BEND2: variants seen among roughly 807,000 people sequenced by gnomAD.
BEND2 encodes the protein BEN domain-containing protein 2.
Under a neutral mutation model 43.8 loss-of-function variants are expected in BEND2, and 19 were observed. The observed-to-expected ratio is 0.43, with a 90% CI of 0.30 to 0.64. BEND2 has a LOEUF of 0.64. BEND2 is among the 30% of genes least tolerant of loss of function. The probability of loss-of-function intolerance (pLI) is 0.11; values close to 1 mark genes in which losing one functional copy is unlikely to be tolerated. For missense variants in BEND2, 544 were observed against 574.0 expected, an observed-to-expected ratio of 0.95 and a Z score of 0.53; for synonymous variants, 226 against 210.1, an observed-to-expected ratio of 1.08 and a Z score of -0.66.
intron 6 of BEND2, 113 bp from the exon 7 acceptor site, chrX:18,195,555 C>A: frequency 1.4e-6 from 1 of 735,843 alleles, no homozygotes. Context: ...AAAAATCTGT[C>A]CCTAGCCGAC....
intron 1 of BEND2, among the ~76,000 whole-genome samples, chrX:18,218,307 A>G (rs1053669583): frequency 8.9e-6 from 1 of 111,923 alleles, no homozygotes; most frequent in African/African-American, 3.2e-5. Context: ...CTGAATAGCA[A>G]ATTTATTATC....
chrX:18,168,704 C>G (rs944383068), intron 13 of BEND2, among the ~76,000 whole-genome samples: 60 of 111,833 alleles, frequency 5.4e-4, no homozygotes, highest in African/African-American at 1.7e-3. Context: ...TCTCATCAGA[C>G]AGCATCAGAT....
At chrX:18,205,850 CTA>C (rs1925317971) in intron 4 of BEND2, among the ~76,000 whole-genome samples, 1 of 110,779 alleles carries the variant, frequency 9.0e-6, no homozygotes, top group Middle Eastern at 4.7e-3. Flanking sequence ...GAGCAGTGGT[CTA>C]TGTTTTCACA....
chrX:18,209,791 A>G (rs1925451345), intron 4 of BEND2, among the ~76,000 whole-genome samples: 1 of 111,381 alleles, frequency 9.0e-6, no homozygotes, highest in Non-Finnish European at 1.9e-5. Context: ...TGGAACAGAA[A>G]AAGGACATGG....
chrX:18,183,906 T>C (rs1001185971), intron 8 of BEND2, among the ~76,000 whole-genome samples: 2 of 111,771 alleles, frequency 1.8e-5, no homozygotes, highest in African/African-American at 6.5e-5. Context: ...GATTGGCATC[T>C]CTGGACCTGC....
intron 12 of BEND2, among the ~76,000 whole-genome samples, chrX:18,172,490 A>C (rs1016205229): frequency 5.4e-5 from 6 of 110,797 alleles, no homozygotes; most frequent in African/African-American, 1.3e-4. Flanking sequence ...TCAGGAGTTC[A>C]AGATCAGCCA....
At chrX:18,200,932 C>T (rs1263138928) in intron 6 of BEND2, among the ~76,000 whole-genome samples, 1 of 112,146 alleles carries the variant, frequency 8.9e-6, no homozygotes, top group Non-Finnish European at 1.9e-5. Flanking sequence ...AATGCCACTA[C>T]CTTGGATGTG....
chrX:18,165,921 A>G (rs1923811398), intron 13 of BEND2, among the ~76,000 whole-genome samples: 1 of 112,135 alleles, frequency 8.9e-6, no homozygotes, highest in Non-Finnish European at 1.9e-5. Context: ...ACAGGTTAGC[A>G]TTAGTTAGCT....
In BEND2 at chrX:18,164,342, G is replaced by A. The variant is rs1419191383; in HGVS notation, c.*667C>T. The A allele has an allele frequency of 1.8e-5, 2 of 111,472 alleles. No homozygotes were observed. The highest frequency in any genetic ancestry group is 3.8e-5 in the Non-Finnish European group (2 of 53,134). 9.2% of individuals were successfully genotyped at this position (111,472 alleles called of 1,213,427 possible). A position where few individuals can be genotyped will look rare whatever the true frequency, so the allele number is the denominator to read the frequency against. On this transcript the variant is annotated 3_prime_UTR_variant, in exon 14 of 14. Transcript: ENST00000380033. ...ACCCGGTAAATTATCTACTTTTTAAGACCTTTGTAGGCATAGCCTAACTTA... is the reference window on the plus strand; with the variant it reads ...ACCCGGTAAATTATCTACTTTTTAAAACCTTTGTAGGCATAGCCTAACTTA...
At chrX:18,202,779 T>C (rs1417303330) in intron 5 of BEND2, among the ~76,000 whole-genome samples, 2 of 112,196 alleles carry the variant, frequency 1.8e-5, no homozygotes, top group Admixed American at 1.9e-4. Flanking sequence ...GCAGTTGCAC[T>C]CTTGGGTAAT....
At chrX:18,180,178 A>G (rs866729832) in intron 9 of BEND2, among the ~76,000 whole-genome samples, 6 of 112,146 alleles carry the variant, frequency 5.4e-5, no homozygotes, top group African/African-American at 1.9e-4. Flanking sequence ...CTCCACTTCA[A>G]AAAGAAAAAA....
chrX:18,176,222 T>C (rs748719396), intron 10 of BEND2, 129 bp from the exon 11 acceptor site: 2 of 502,763 alleles, frequency 4.0e-6, no homozygotes, highest in African/African-American at 5.0e-5. Flanking sequence ...GGTGACTTCT[T>C]CTCTTTCTAC....
intron 1 of BEND2, among the ~76,000 whole-genome samples, chrX:18,219,614 T>C (rs12392497): frequency 0.036 from 4,022 of 112,648 alleles, 177 homozygotes; most frequent in African/African-American, 0.12. Context: ...TTCTTTAGAC[T>C]CAAAGCTCTC....
At position 18,163,729 on chromosome X, in the gene BEND2, C is replaced by T. The variant is rs1005367779; in HGVS notation, c.*1280G>A. On this transcript the variant is annotated 3_prime_UTR_variant, in exon 14 of 14. Transcript: ENST00000380033. ...AATATGCATATACAATTTGAAATTT[C>T]TTCTTGCCTAGGGTCGAACTGTACT... The T allele has an allele frequency of 8.9e-6, 1 of 112,099 alleles. No homozygotes were observed. Among genetic ancestry groups the T allele is most frequent in the African/African-American group, 3.2e-5 (1 of 30,902 alleles). The allele number at this position is 112,099 out of a possible 1,213,427, so 9.2% of individuals were successfully genotyped here. A position where few individuals can be genotyped will look rare whatever the true frequency, so the allele number is the denominator to read the frequency against.
At chrX:18,192,502 G>A (rs1924803891) in intron 7 of BEND2, among the ~76,000 whole-genome samples, 1 of 112,179 alleles carries the variant, frequency 8.9e-6, no homozygotes, top group Non-Finnish European at 1.9e-5. Flanking sequence ...TGGCGAGAAT[G>A]TAAAATGATA....
rs1925251039 is a variant in BEND2, at chrX:18,203,864, C to T, written c.544G>A (p.Ala182Thr). Residue 182 changes from alanine to threonine, a missense_variant, in exon 5 of 14, where the codon GCC (alanine) becomes ACC (threonine). Around this residue, in one of 2 missense-constraint regions of BEND2, gnomAD observed 501 missense variants for 501.6 expected, o/e 1.00. Transcript: ENST00000380033. ...TCAAGAGATGTTACAGCAGGGCTGGCCCAGGCATGGGTTTCCTGCCTTTCC... is the reference window on the plus strand; with the variant it reads ...TCAAGAGATGTTACAGCAGGGCTGGTCCAGGCATGGGTTTCCTGCCTTTCC... ...PAERQETHAWASPAVTSLESA... is the reference protein window; with the variant it reads ...PAERQETHAWTSPAVTSLESA... 1 of 1,206,920 alleles carries T rather than the reference C, an allele frequency of 8.3e-7. No homozygotes were observed. Among genetic ancestry groups the T allele is most frequent in the Admixed American group, 2.2e-5 (1 of 45,701 alleles).
At chrX:18,172,551 G>A (rs938554138) in intron 12 of BEND2, among the ~76,000 whole-genome samples, 1 of 110,261 alleles carries the variant, frequency 9.1e-6, no homozygotes, top group East Asian at 2.8e-4. Flanking sequence ...AAAATTAGCC[G>A]GGCATGGTGG....
chrX:18,180,038 G>A (rs1015081936), intron 9 of BEND2, among the ~76,000 whole-genome samples: 10 of 112,173 alleles, frequency 8.9e-5, no homozygotes, highest in African/African-American at 3.2e-4. Flanking sequence ...CTAGCTGGGT[G>A]TGGTGGTGTG....
rs759620782 is a variant in BEND2 at position 18,203,929 on chromosome X, G to A, written c.493-14C>T. On this transcript the variant is annotated splice_polypyrimidine_tract_variant and intron_variant, in intron 4 of 13. Transcript: ENST00000380033. ...GCTAGACTGTACCTATCCAGGGTAA[G>A]AGAACAGAATGAGTAAAGTTATTTT... 7 of 1,160,272 alleles carry A rather than the reference G, an allele frequency of 6.0e-6. No homozygotes were observed. The South Asian group carries it at 1.2e-4, about 21-fold the overall frequency.
Sources: gnomAD v4.1 joint callset for allele counts (sites outside exome capture counted in the v4.1 genomes callset) on GRCh38, gnomAD v4.1.1 for gene constraint, gnomAD v4.1.1 regional missense constraint, MANE v1.5 for transcripts, NCBI Gene and HGNC (gene_info 2026-07-23, HGNC 2026-07-21) for gene names.